TMTC1: variants seen among roughly 807,000 people sequenced by gnomAD.
TMTC1 encodes the protein protein O-mannosyl-transferase TMTC1.
A neutral mutation model predicts 104.8 loss-of-function variants in TMTC1; 73 were observed. The ratio of observed to expected loss-of-function variants is 0.70; its 90% confidence interval spans 0.58 to 0.85. TMTC1 has a LOEUF of 0.85. TMTC1 is among the 40% of genes least tolerant of loss of function. TMTC1 has a pLI of 0.00. For synonymous variants in TMTC1, 434 were observed against 428.7 expected, an observed-to-expected ratio of 1.01 and a Z score of -0.15; for missense variants, 1,035 against 1,096.1, an observed-to-expected ratio of 0.94 and a Z score of 0.79.
Position 29,583,472 on chromosome 12 carries a change from C to G in TMTC1, c.1353G>C (p.Leu451=), listed in dbSNP as rs149468466. The G allele has an allele frequency of 1.0e-4, 164 of 1,613,820 alleles. No individual in the cohort carries two copies. Among genetic ancestry groups the G allele is most frequent in the Non-Finnish European group, 1.2e-4 (146 of 1,179,912 alleles). ...TCACAGTTTTCCAAGAGAAAAGCAA[C>G]AGCAGCAACACAGTGGACACAATCA... ...TTLIVSTVLL[L]LLFSWKTVKQ... Residue 451 remains leucine (L), a synonymous_variant, in exon 8 of 18, where the codon CTG becomes CTC. Transcript: ENST00000539277.
chr12:29,666,128 T>A (rs934046081), intron 5 of TMTC1: 20 of 417,816 alleles, frequency 4.8e-5, no homozygotes, highest in Non-Finnish European at 4.6e-6. Flanking sequence ...GTTATTTGAA[T>A]ATTTTTAACA....
chr12:29,746,948 C>T (rs1308067170), intron 5 of TMTC1, among the ~76,000 whole-genome samples: 1 of 152,068 alleles, frequency 6.6e-6, no homozygotes, highest in African/African-American at 2.4e-5. Flanking sequence ...AAAATAGTGC[C>T]TGACACATAG....
intron 5 of TMTC1, among the ~76,000 whole-genome samples, chr12:29,693,604 A>G (rs1941327858): frequency 6.6e-6 from 1 of 151,766 alleles, no homozygotes; most frequent in Non-Finnish European, 1.5e-5. Context: ...TAGCTTCTAT[A>G]AATTTATTTT....
chr12:29,768,904 A>G (rs1255083418), intron 1 of TMTC1, among the ~76,000 whole-genome samples: 2 of 152,182 alleles, frequency 1.3e-5, no homozygotes, highest in Non-Finnish European at 2.9e-5. Flanking sequence ...ACAGGACATA[A>G]TACACCCAAT....
At chr12:29,549,893 T>A (rs769365432) in intron 10 of TMTC1, among the ~76,000 whole-genome samples, 2 of 152,172 alleles carry the variant, frequency 1.3e-5, no homozygotes, top group African/African-American at 2.4e-5. Flanking sequence ...AGGGATCCCA[T>A]TCAACTCAGA....
chr12:29,611,689 G>C (rs1010804919), intron 6 of TMTC1, among the ~76,000 whole-genome samples: 5 of 152,182 alleles, frequency 3.3e-5, no homozygotes, highest in Non-Finnish European at 5.9e-5. Flanking sequence ...GCTATGTATT[G>C]AATTTAAAAA....
At chr12:29,538,544 C>T (rs893092509) in intron 10 of TMTC1, among the ~76,000 whole-genome samples, 1 of 143,382 alleles carries the variant, frequency 7.0e-6, no homozygotes, top group South Asian at 2.2e-4. Flanking sequence ...GAAAAAAAAA[C>T]CCATAACATC....
chr12:29,662,738 A>G (rs1185207234), intron 5 of TMTC1, among the ~76,000 whole-genome samples: 3 of 151,582 alleles, frequency 2.0e-5, no homozygotes, highest in Admixed American at 2.0e-4. Flanking sequence ...AACAAATGGT[A>G]CTGTGAGGAG....
chr12:29,750,922 C>T (rs1302849912), intron 5 of TMTC1, among the ~76,000 whole-genome samples: 3 of 152,228 alleles, frequency 2.0e-5, no homozygotes, highest in Non-Finnish European at 2.9e-5. Context: ...TCTGTTTCTG[C>T]GTTTGCCCTA....
At chr12:29,563,295 A>C (rs1003675858) in intron 9 of TMTC1, among the ~76,000 whole-genome samples, 2 of 152,184 alleles carry the variant, frequency 1.3e-5, no homozygotes, top group African/African-American at 2.4e-5. Flanking sequence ...GGTTATAAGG[A>C]CATTCAAAAT....
intron 6 of TMTC1, among the ~76,000 whole-genome samples, chr12:29,616,595 G>C (rs1382891892): frequency 2.0e-5 from 3 of 150,990 alleles, no homozygotes; most frequent in Admixed American, 1.3e-4. Context: ...TTGAATCCGG[G>C]AGGCGGAGGT....
intron 11 of TMTC1, among the ~76,000 whole-genome samples, chr12:29,521,300 G>T (rs1273284744): frequency 1.3e-5 from 2 of 152,172 alleles, no homozygotes; most frequent in Non-Finnish European, 2.9e-5. Context: ...ATTACTTGAA[G>T]TATGTCTACA....
intron 5 of TMTC1, among the ~76,000 whole-genome samples, chr12:29,721,311 T>C (rs1942231511): frequency 6.8e-6 from 1 of 146,330 alleles, no homozygotes; most frequent in African/African-American, 2.6e-5. Flanking sequence ...CTTTCCACTT[T>C]GTTTATAAGA....
At chr12:29,668,450 T>G (rs1328224984) in intron 5 of TMTC1, among the ~76,000 whole-genome samples, 1 of 132,540 alleles carries the variant, frequency 7.5e-6, no homozygotes, top group Non-Finnish European at 1.5e-5. Flanking sequence ...CCATACCAAC[T>G]TATCTTTTTT....
rs1193066025 is a variant in TMTC1 at position 29,674,740 on chromosome 12, A to G, written c.939-41404T>C. ...CCCAGGCACTGGCTTTACCTGCCGT[A>G]AAGAAGGGGGGGCCTTTTCCTAATT... On this transcript the variant is annotated intron_variant, in intron 5 of 17. Coordinates refer to ENST00000539277, the MANE Select transcript of TMTC1 (RefSeq NM_001193451.2). Among the ~76,000 whole-genome samples the G allele has an allele frequency of 2.0e-5, 3 of 152,214 alleles. No homozygotes were observed. The South Asian group carries it at 6.2e-4, about 32-fold the overall frequency.
chr12:29,620,782 T>G (rs937299244), intron 6 of TMTC1, among the ~76,000 whole-genome samples: 1 of 152,194 alleles, frequency 6.6e-6, no homozygotes, highest in Non-Finnish European at 1.5e-5. Flanking sequence ...GTGACCCACA[T>G]AGCAGAACAT....
At position 29,602,195 on chromosome 12, in the gene TMTC1, T is replaced by A. The variant is rs529933142; in HGVS notation, c.1250+1983A>T. On this transcript the variant is annotated intron_variant, in intron 7 of 17. Coordinates refer to ENST00000539277, the MANE Select transcript of TMTC1 (RefSeq NM_001193451.2). Reference sequence around the variant, plus strand: ...TCTGGTTCTGTCACCCAGGCTGGAGTGCAGGGGCACGATCATGGTTCACTG... The same window carrying A: ...TCTGGTTCTGTCACCCAGGCTGGAGAGCAGGGGCACGATCATGGTTCACTG... 2.0e-5 allele frequency among the ~76,000 whole-genome samples: 3 copies of A among 152,132 alleles called. No homozygotes were observed. The South Asian group carries it at 6.2e-4, about 32-fold the overall frequency.
chr12:29,738,467 T>C lies in TMTC1; in HGVS notation c.938+13199A>G, dbSNP rs181243643. 1.1e-3 allele frequency among the ~76,000 whole-genome samples: 173 copies of C among 152,344 alleles called. 1 individual carries two copies. The highest frequency in any genetic ancestry group is 4.0e-3 in the African/African-American group (168 of 41,584). On this transcript the variant is annotated intron_variant, in intron 5 of 17. Coordinates refer to ENST00000539277, the MANE Select transcript of TMTC1 (RefSeq NM_001193451.2). ...GGCAGTTAACAGCTATAGTCTCACATTGAGCTGCACTTGCTACATCACTTA... is the reference window on the plus strand; with the variant it reads ...GGCAGTTAACAGCTATAGTCTCACACTGAGCTGCACTTGCTACATCACTTA...
intron 5 of TMTC1, among the ~76,000 whole-genome samples, chr12:29,747,537 T>C (rs1180748212): frequency 6.6e-6 from 1 of 152,158 alleles, no homozygotes; most frequent in Non-Finnish European, 1.5e-5. Context: ...TTGGCCCAAT[T>C]CTTGTCAACC....
Sources: gnomAD v4.1 joint callset for allele counts (sites outside exome capture counted in the v4.1 genomes callset) on GRCh38, gnomAD v4.1.1 for gene constraint, MANE v1.5 for transcripts, NCBI Gene and HGNC (gene_info 2026-07-23, HGNC 2026-07-21) for gene names.